The following NTRK2 variants were observed in gnomAD, a reference collection of about 807,000 sequenced individuals.
NTRK2 encodes the protein BDNF/NT-3 growth factors receptor.
NTRK2 carries 13 observed loss-of-function variants against 94.5 expected under a neutral mutation model. The observed-to-expected ratio is 0.14, with a 90% CI of 0.09 to 0.22. The LOEUF (loss-of-function observed/expected upper bound fraction) is 0.22, where lower values mean the gene tolerates loss of function less well. NTRK2 is among the 10% of genes least tolerant of loss of function. The pLI is 1.00. For synonymous variants in NTRK2, 372 were observed against 407.4 expected, an observed-to-expected ratio of 0.91 and a Z score of 1.05; for missense variants, 639 against 1,071.2, an observed-to-expected ratio of 0.60 and a Z score of 5.63.
chr9:84,891,216 G>C (rs570328132), intron 14 of NTRK2, among the ~76,000 whole-genome samples: 1 of 152,008 alleles, frequency 6.6e-6, no homozygotes, highest in East Asian at 1.9e-4. Flanking sequence ...CGTCATGGAG[G>C]ACTCAAGATG....
chr9:84,751,020 A>T (rs977474256), intron 11 of NTRK2, among the ~76,000 whole-genome samples: 2 of 152,066 alleles, frequency 1.3e-5, no homozygotes, highest in Non-Finnish European at 2.9e-5. Flanking sequence ...TTTTAAACTT[A>T]CTTAAACATT....
At chr9:84,797,611 A>G (rs28580203) in intron 12 of NTRK2, among the ~76,000 whole-genome samples, 25 of 54,676 alleles carry the variant, frequency 4.6e-4, no homozygotes, top group African/African-American at 2.0e-3. Context: ...ATTATATATA[A>G]TATATATACT....
chr9:84,926,600 C>CT (rs748578511), intron 14 of NTRK2, among the ~76,000 whole-genome samples: 1 of 152,176 alleles, frequency 6.6e-6, no homozygotes, highest in Non-Finnish European at 1.5e-5. Context: ...ATAAATCACT[C>CT]TTTCCTAAAT....
intron 14 of NTRK2, among the ~76,000 whole-genome samples, chr9:84,884,976 T>C (rs1158544095): frequency 6.6e-6 from 1 of 152,104 alleles, no homozygotes; most frequent in Non-Finnish European, 1.5e-5. Flanking sequence ...AAACTAAGAG[T>C]AGAACATGTA....
chr9:84,806,653 T>A (rs1588727226), intron 12 of NTRK2, among the ~76,000 whole-genome samples: 1 of 152,316 alleles, frequency 6.6e-6, no homozygotes, highest in Non-Finnish European at 1.5e-5. Context: ...GTTGAGCCAG[T>A]TATCTATAAA....
At chr9:84,813,596 C>T in intron 12 of NTRK2, 2 of 1,065,836 alleles carry the variant, frequency 1.9e-6, no homozygotes, top group Non-Finnish European at 2.3e-6. Flanking sequence ...ATTACCTTTG[C>T]TCCTCTCCTG....
rs374803130 is a variant in NTRK2 at position 84,670,727 on chromosome 9, G to C, written c.-22G>C. 28 of 1,610,040 alleles carry C rather than the reference G, an allele frequency of 1.7e-5. No homozygotes were observed. In the African/African-American group the frequency reaches 3.7e-4, roughly 22 times the overall value. On this transcript the variant is annotated 5_prime_UTR_variant, in exon 2 of 19. Coordinates refer to ENST00000277120, the MANE Select transcript of NTRK2 (RefSeq NM_006180.6). ...CGGTGCAGCGCGGGGACAGGCACTC[G>C]GGCTGGCACTGGCTGCTAGGGATGT...
At chr9:84,947,105 A>T (rs1427568809) in intron 15 of NTRK2, among the ~76,000 whole-genome samples, 2 of 152,050 alleles carry the variant, frequency 1.3e-5, no homozygotes, top group Non-Finnish European at 2.9e-5. Context: ...ACAGGCACAC[A>T]CCATCAAACC....
intron 2 of NTRK2, among the ~76,000 whole-genome samples, chr9:84,682,124 A>G (rs1446124478): frequency 2.0e-5 from 3 of 152,108 alleles, no homozygotes; most frequent in African/African-American, 7.2e-5. Context: ...TTTGGCCCAG[A>G]CTTGTATCCC....
At chr9:84,723,147 C>A (rs548559909) in intron 6 of NTRK2, among the ~76,000 whole-genome samples, 1 of 152,238 alleles carries the variant, frequency 6.6e-6, no homozygotes, top group East Asian at 1.9e-4. Context: ...GTGCATCTCA[C>A]CCTTTTGTGT....
intron 12 of NTRK2, among the ~76,000 whole-genome samples, chr9:84,768,852 G>T (rs1348603749): frequency 6.6e-6 from 1 of 152,104 alleles, no homozygotes; most frequent in Non-Finnish European, 1.5e-5. Flanking sequence ...GGGGTAAGGG[G>T]GGATCCTGGA....
At chr9:84,723,792 A>C in intron 7 of NTRK2, 83 bp downstream of exon 7, 1 of 1,555,336 alleles carries the variant, frequency 6.4e-7, no homozygotes, top group Non-Finnish European at 8.9e-7. Context: ...AGTGATGATC[A>C]TTTGATATTT....
intron 12 of NTRK2, among the ~76,000 whole-genome samples, chr9:84,787,319 AAAACAAAC>A (rs201059157): frequency 9.9e-5 from 15 of 151,910 alleles, no homozygotes; most frequent in African/African-American, 7.3e-5. Context: ...ACAAACAAAC[AAAACAAAC>A]AAACAAACAA....
At chr9:84,757,211 A>G (rs1056777148) in intron 12 of NTRK2, among the ~76,000 whole-genome samples, 1 of 152,104 alleles carries the variant, frequency 6.6e-6, no homozygotes, top group Non-Finnish European at 1.5e-5. Flanking sequence ...AATTGAATGC[A>G]CTCTTGTTTT....
intron 16 of NTRK2, among the ~76,000 whole-genome samples, chr9:84,951,679 GC>G (rs1404803882): frequency 6.6e-6 from 1 of 152,162 alleles, no homozygotes; most frequent in Non-Finnish European, 1.5e-5. Flanking sequence ...AGGGTGTGGA[GC>G]AATTGGAAAC....
intron 8 of NTRK2, 103 bp downstream of exon 8, chr9:84,724,459 A>G: frequency 7.5e-7 from 1 of 1,329,272 alleles, no homozygotes; most frequent in Non-Finnish European, 1.1e-6. Context: ...TGTTAAAAAA[A>G]GTATATGCAG....
intron 9 of NTRK2, among the ~76,000 whole-genome samples, chr9:84,730,597 G>A (rs1320666485): frequency 7.1e-6 from 1 of 141,130 alleles, no homozygotes; most frequent in African/African-American, 2.9e-5. Context: ...AAAATTAGCC[G>A]GGCGTGGTAG....
intron 11 of NTRK2, among the ~76,000 whole-genome samples, chr9:84,746,925 G>A (rs903565437): frequency 2.6e-5 from 4 of 152,138 alleles, no homozygotes; most frequent in African/African-American, 9.7e-5. Context: ...CTTAGTAGGG[G>A]CAACGTGGTC....
chr9:84,984,510 A>AAG, intron 17 of NTRK2, among the ~76,000 whole-genome samples: 1 of 151,576 alleles, frequency 6.6e-6, no homozygotes, highest in Middle Eastern at 3.4e-3. Context: ...AACAAAAAAA[A>AAG]GATTTCTAGG....
Sources: gnomAD v4.1 joint callset for allele counts (sites outside exome capture counted in the v4.1 genomes callset) on GRCh38, gnomAD v4.1.1 for gene constraint, MANE v1.5 for transcripts, NCBI Gene and HGNC (gene_info 2026-07-23, HGNC 2026-07-21) for gene names.